The following DNAH11 variants were observed in gnomAD, a reference collection of about 807,000 sequenced individuals.
DNAH11 encodes dynein axonemal heavy chain 11, also known as axonemal beta dynein heavy chain 11.
A neutral mutation model predicts 526.0 loss-of-function variants in DNAH11; 442 were observed. The observed-to-expected ratio is 0.84, with a 90% CI of 0.78 to 0.91. The LOEUF is 0.91. Among genes scored for constraint, DNAH11 ranks in the 40% least tolerant of loss-of-function variants. The pLI is 0.00. For missense variants in DNAH11, 6,989 were observed against 5,448.7 expected, an observed-to-expected ratio of 1.28 and a Z score of -8.90; for synonymous variants, 2,461 against 1,935.9, an observed-to-expected ratio of 1.27 and a Z score of -7.12.
intron 35 of DNAH11, among the ~76,000 whole-genome samples, chr7:21,693,377 C>G (rs1783710904): frequency 6.6e-6 from 1 of 152,254 alleles, no homozygotes; most frequent in East Asian, 1.9e-4. Context: ...ATATGACACT[C>G]TTTTGTTAAG....
chr7:21,800,075 G>C (rs570441064), intron 61 of DNAH11, among the ~76,000 whole-genome samples: 26 of 152,282 alleles, frequency 1.7e-4, no homozygotes, highest in African/African-American at 5.5e-4. Context: ...AAGGTGACCA[G>C]GGGACCCAAG....
chr7:21,719,359 T>G (rs556249461), intron 43 of DNAH11, among the ~76,000 whole-genome samples: 53 of 152,370 alleles, frequency 3.5e-4, no homozygotes, highest in African/African-American at 1.2e-3. Flanking sequence ...GTTTATTAAC[T>G]CTTTCAGATT....
intron 30 of DNAH11, among the ~76,000 whole-genome samples, chr7:21,659,319 A>G (rs1050091214): frequency 6.7e-6 from 1 of 150,106 alleles, no homozygotes; most frequent in Non-Finnish European, 1.5e-5. Context: ...AGACTCTCCA[A>G]CTAGGCAGAT....
chr7:21,770,755 G>A (rs892774649), intron 55 of DNAH11, among the ~76,000 whole-genome samples: 1 of 152,204 alleles, frequency 6.6e-6, no homozygotes, highest in African/African-American at 2.4e-5. Flanking sequence ...GCAGGAAGAA[G>A]TACAGGAGGG....
chr7:21,658,973 C>T lies in DNAH11; in HGVS notation c.5270C>T (p.Ala1757Val), dbSNP rs115367126. Residue 1757 changes from alanine (A) to valine (V), a missense_variant, in exon 30 of 82, where the codon GCC becomes GTC. By Grantham distance (64) the Ala-to-Val change is moderately conservative. Coordinates refer to ENST00000409508, the MANE Select transcript of DNAH11 (RefSeq NM_001277115.2). ...TGGTGGACCACAGATGTAGGAATAG[C>T]CTTCAGTAGACTGGAAGAAGGCTAC... ...QIWWTTDVGI[A>V]FSRLEEGYET... 1,160 of 1,610,226 alleles carry T rather than the reference C, an allele frequency of 7.2e-4. 10 individuals carry two copies. In the African/African-American group the frequency reaches 0.014, roughly 19 times the overall value.
rs1186717979 is a variant in DNAH11 at position 21,687,462 on chromosome 7, A to G, written c.5859A>G (p.Glu1953=). The change falls in exon 34 of 82, where the codon GAA becomes GAG. Residue 1953 remains glutamate (E), a synonymous_variant. Coordinates refer to ENST00000409508, the MANE Select transcript of DNAH11 (RefSeq NM_001277115.2). ...ATGAGTTCAACCGAATCTCTGTGGA[A>G]GTTCTGTCAGTGGTGGCAGTACAAG... The part of the protein sequence containing the change: ...CFDEFNRISV[E]VLSVVAVQVK... The G allele has an allele frequency of 6.2e-7, 1 of 1,613,876 alleles. No individual in the cohort carries two copies. The highest frequency in any genetic ancestry group is 8.5e-7 in the Non-Finnish European group (1 of 1,179,938).
chr7:21,829,849 T>C (rs560521712), intron 65 of DNAH11, among the ~76,000 whole-genome samples: 1 of 152,370 alleles, frequency 6.6e-6, no homozygotes, highest in African/African-American at 2.4e-5. Flanking sequence ...CAGAGATTCT[T>C]GTTTTCAGGA....
chr7:21,579,951 A>G (rs1784250185), intron 8 of DNAH11, among the ~76,000 whole-genome samples: 1 of 152,194 alleles, frequency 6.6e-6, no homozygotes, highest in Non-Finnish European at 1.5e-5. Flanking sequence ...GGTAGTTAGA[A>G]GAGCACTTGA....
In DNAH11 at chr7:21,702,130, A is replaced by T. The variant is rs1030418334; in HGVS notation, c.6181-580A>T. Among the ~76,000 whole-genome samples, 107 of 152,150 alleles carry T rather than the reference A, an allele frequency of 7.0e-4. 4 individuals are homozygous for T. Among genetic ancestry groups the T allele is most frequent in the Non-Finnish European group, 4.4e-5 (3 of 68,028 alleles). ...CCAATCTCAGAAGTAATATTCTGAG[A>T]TCCTCTAAGAGCTCAGACCCTGTGG... On this transcript the variant is annotated intron_variant, in intron 36 of 81. Transcript: ENST00000409508.
chr7:21,695,173 G>A (rs563097036), intron 35 of DNAH11, among the ~76,000 whole-genome samples: 1 of 152,254 alleles, frequency 6.6e-6, no homozygotes, highest in East Asian at 1.9e-4. Flanking sequence ...ACTGTTCAAA[G>A]TAATTCAAAG....
At chr7:21,684,656 G>A (rs1783294672) in intron 32 of DNAH11, among the ~76,000 whole-genome samples, 1 of 152,200 alleles carries the variant, frequency 6.6e-6, no homozygotes, top group South Asian at 2.1e-4. Flanking sequence ...AGTTTCCAAG[G>A]TGGGAAGACA....
intron 8 of DNAH11, among the ~76,000 whole-genome samples, chr7:21,577,079 A>G (rs1190424664): frequency 2.6e-5 from 4 of 152,200 alleles, no homozygotes; most frequent in Admixed American, 2.6e-4. Context: ...AGTTCCCTGG[A>G]TTTTCCTGTT....
chr7:21,749,836 C>G (rs748042386), intron 53 of DNAH11, 35 bp downstream of exon 53: 2 of 1,610,870 alleles, frequency 1.2e-6, no homozygotes. Context: ...AAAGATCTTC[C>G]CCAATGACAA....
At chr7:21,714,908 A>G (rs1784594123) in intron 42 of DNAH11, among the ~76,000 whole-genome samples, 1 of 152,202 alleles carries the variant, frequency 6.6e-6, no homozygotes, top group Non-Finnish European at 1.5e-5. Flanking sequence ...CTTGGAAGCC[A>G]CAACTTTAGA....
chr7:21,564,188 C>A lies in DNAH11; in HGVS notation c.985C>A (p.Leu329Ile), dbSNP rs746526893. 12 of 1,565,390 alleles carry A rather than the reference C, an allele frequency of 7.7e-6. No individual in the cohort carries two copies. In the East Asian group the frequency reaches 2.3e-4, roughly 30 times the overall value. Reference protein sequence around the residue: ...KDIFLAVENALLEAQDVELYL... With the variant: ...KDIFLAVENAILEAQDVELYL... The stretch of plus-strand genomic sequence containing the variant: ...TAATGGTGGTTCTTTGCTTTCAGCT[C>A]TTCTCGAAGCCCAAGATGTGGAACT... Residue 329 changes from leucine (L) to isoleucine (I), a missense_variant and splice_region_variant, in exon 6 of 82, where the codon CTT becomes ATT. Coordinates refer to ENST00000409508, the MANE Select transcript of DNAH11 (RefSeq NM_001277115.2).
intron 30 of DNAH11, among the ~76,000 whole-genome samples, chr7:21,679,375 G>A (rs564292324): frequency 6.6e-6 from 1 of 152,284 alleles, no homozygotes; most frequent in South Asian, 2.1e-4. Context: ...TGCTAAGAGA[G>A]TAAATATCAA....
intron 73 of DNAH11, among the ~76,000 whole-genome samples, chr7:21,870,126 C>G (rs1050988027): frequency 6.6e-6 from 1 of 152,196 alleles, no homozygotes; most frequent in African/African-American, 2.4e-5. Flanking sequence ...AAGTGAGCAT[C>G]CGAGTGGCTG....
chr7:21,893,608 C>A (rs925241277), intron 77 of DNAH11, among the ~76,000 whole-genome samples: 24 of 152,328 alleles, frequency 1.6e-4, no homozygotes, highest in African/African-American at 5.5e-4. Context: ...GTTCCTCCAT[C>A]TTTTCTCCTT....
intron 71 of DNAH11, 80 bp downstream of exon 71, chr7:21,866,743 G>A: frequency 7.1e-7 from 1 of 1,408,232 alleles, no homozygotes; most frequent in Non-Finnish European, 9.5e-7. Flanking sequence ...AGGATCTGGT[G>A]GAAGTGTTTA....
Sources: gnomAD v4.1 joint callset for allele counts (sites outside exome capture counted in the v4.1 genomes callset) on GRCh38, gnomAD v4.1.1 for gene constraint, MANE v1.5 for transcripts, NCBI Gene and HGNC (gene_info 2026-07-23, HGNC 2026-07-21) for gene names.